Variants in CMTM3 observed in about 807,000 individuals in gnomAD.
CMTM3 encodes CKLF like MARVEL transmembrane domain containing 3, also known as CKLF-like MARVEL transmembrane domain-containing protein 3.
In CMTM3, 7 loss-of-function variants were observed where a neutral mutation model predicts 18.2. The ratio of observed to expected loss-of-function variants is 0.38; its 90% confidence interval spans 0.22 to 0.72. CMTM3 has a LOEUF of 0.72. CMTM3 is among the 30% of genes least tolerant of loss of function. The pLI, the probability that CMTM3 is intolerant of heterozygous loss-of-function variation, is 0.46. For synonymous variants in CMTM3, 109 were observed against 111.2 expected, an observed-to-expected ratio of 0.98 and a Z score of 0.12; for missense variants, 227 against 249.2, an observed-to-expected ratio of 0.91 and a Z score of 0.60.
At chr16:66,606,001 C>T (rs556452050) in intron 1 of CMTM3, among the ~76,000 whole-genome samples, 1 of 152,154 alleles carries the variant, frequency 6.6e-6, no homozygotes, top group Non-Finnish European at 1.5e-5. Flanking sequence ...GCCTCGAATC[C>T]ACCGTCCCCA....
At chr16:66,604,134 C>G (rs1014774670), upstream of CMTM3, 1 of 116,992 alleles carries the variant, frequency 8.5e-6, no homozygotes, top group African/African-American at 3.9e-5. Flanking sequence ...TTTGCGCGCG[C>G]GCGCGCGTGT....
chr16:66,609,529 G>T lies in CMTM3; in HGVS notation c.398G>T (p.Gly133Val). ...TCGGATGGGGCTTCCAAAGCCGCTGGGGTGAGCAGCCGCCCCACCCCTCTG... is the reference window on the plus strand; with the variant it reads ...TCGGATGGGGCTTCCAAAGCCGCTGTGGTGAGCAGCCGCCCCACCCCTCTG... ...KYSDGASKAA[G>V]VFGFFATIVF... The change falls in exon 3 of 5, where the codon GGG (glycine) becomes GTG (valine). Residue 133 changes from glycine (G) to valine (V), a missense_variant and splice_region_variant. Coordinates refer to ENST00000567572, the MANE Select transcript of CMTM3 (RefSeq NM_181553.4). The surrounding 1 kb of genome is among the most constrained non-coding windows in gnomAD (Gnocchi z 4.4). 1 of 1,596,134 alleles carries T rather than the reference G, an allele frequency of 6.3e-7. No individual in the cohort carries two copies. The highest frequency in any genetic ancestry group is 2.3e-5 in the East Asian group (1 of 44,432).
In CMTM3 at chr16:66,604,793, C is replaced by A. The variant is rs2144726114; in HGVS notation, c.-13C>A. On this transcript the variant is annotated 5_prime_UTR_variant, in exon 1 of 5. Transcript: ENST00000567572. ...GAGCCAGGCCGAGCCCCGGCCCTAC[C>A]GCCGCCGCCGCCATGTGGCCCCCAG... is the stretch of plus-strand genomic sequence containing the variant. 8.1e-7 allele frequency: 1 copy of A among 1,231,916 alleles called. No homozygotes were observed. Among genetic ancestry groups the A allele is most frequent in the Non-Finnish European group, 1.0e-6 (1 of 987,668 alleles). 76.3% of individuals were successfully genotyped at this position (1,231,916 alleles called of 1,614,324 possible).
At chr16:66,604,988 A>C in intron 1 of CMTM3, 36 bp downstream of exon 1, 1 of 1,440,714 alleles carries the variant, frequency 6.9e-7, no homozygotes, top group Non-Finnish European at 9.1e-7. Context: ...CCCCGCTAGG[A>C]CTGCGCGGCT....
At position 66,605,438 on chromosome 16, in the gene CMTM3, C is replaced by T. The variant is rs2015108564; in HGVS notation, c.147+486C>T. On this transcript the variant is annotated intron_variant, in intron 1 of 4. Transcript: ENST00000567572. The surrounding 1 kb of genome is among the most constrained non-coding windows in gnomAD (Gnocchi z 4.6). ...ACCCCCGGGACTGGGTGAGGCGGCC[C>T]CGCGGTGACTTCATCGCCCTCCTCC... 6.5e-6 allele frequency: 1 copy of T among 153,158 alleles called. No homozygotes were observed. The allele number at this position is 153,158 out of a possible 1,614,324, so 9.5% of individuals were successfully genotyped here.
Position 66,612,616 on chromosome 16 carries a change from T to G in CMTM3, c.528T>G (p.Asn176Lys). The G allele has an allele frequency of 6.2e-7, 1 of 1,614,044 alleles. No homozygotes were observed. The highest frequency in any genetic ancestry group is 8.5e-7 in the Non-Finnish European group (1 of 1,179,984). ...ETTAHKTEEENSDSDSD is the reference protein window; with the variant it reads ...ETTAHKTEEEKSDSDSD ...TCTCTGCTTTCCTTTCAGAAGAGAATTCCGACTCGGACTCTGACTGAAGGC... is the reference window on the plus strand; with the variant it reads ...TCTCTGCTTTCCTTTCAGAAGAGAAGTCCGACTCGGACTCTGACTGAAGGC... The change falls in exon 5 of 5, where the codon AAT becomes AAG. Residue 176 changes from asparagine (N) to lysine (K), a missense_variant. Physicochemically the swap from Asn to Lys is moderately conservative, Grantham distance 94. Coordinates refer to ENST00000567572, the MANE Select transcript of CMTM3 (RefSeq NM_181553.4). The surrounding 1 kb of genome is among the most constrained non-coding windows in gnomAD (Gnocchi z 6.0).
At position 66,604,709 on chromosome 16, in the gene CMTM3, C is replaced by T. The variant is rs2015058734; in HGVS notation, c.-97C>T. The T allele has an allele frequency of 3.0e-6, 3 of 985,770 alleles. No individual in the cohort carries two copies. The highest frequency in any genetic ancestry group is 1.7e-5 in the African/African-American group (1 of 58,818). 61.1% of individuals were successfully genotyped at this position (985,770 alleles called of 1,614,324 possible). Reference sequence around the variant, plus strand: ...GATGCGCCCCTGCGCGAGCCAGTGTCGCCTGCCCTCCTTCCGCACAGCCCG... The same window carrying T: ...GATGCGCCCCTGCGCGAGCCAGTGTTGCCTGCCCTCCTTCCGCACAGCCCG... On this transcript the variant is annotated 5_prime_UTR_variant, in exon 1 of 5. Coordinates refer to ENST00000567572, the MANE Select transcript of CMTM3 (RefSeq NM_181553.4).
chr16:66,608,789 G>A lies in CMTM3; in HGVS notation c.303+325G>A, dbSNP rs1320692664. 2.6e-5 allele frequency among the ~76,000 whole-genome samples: 4 copies of A among 152,222 alleles called. No homozygotes were observed. The highest frequency in any genetic ancestry group is 5.9e-5 in the Non-Finnish European group (4 of 68,048). ...CCACAGGAATTCAAGCCATTTCCAC[G>A]TGGGCAGGACAGGTTAACTGAGGAC... On this transcript the variant is annotated intron_variant, in intron 2 of 4. Transcript: ENST00000567572. The surrounding 1 kb of genome is among the most constrained non-coding windows in gnomAD (Gnocchi z 5.1).
At position 66,613,141 on chromosome 16, in the gene CMTM3, G is replaced by A. The variant is rs1245869956; in HGVS notation, c.*504G>A. The A allele has an allele frequency of 1.4e-6, 1 of 702,968 alleles. No homozygotes were observed. The highest frequency in any genetic ancestry group is 1.5e-5 in the South Asian group (1 of 67,582). The allele number at this position is 702,968 out of a possible 1,614,324, so 43.5% of individuals were successfully genotyped here. On this transcript the variant is annotated 3_prime_UTR_variant, in exon 5 of 5. Coordinates refer to ENST00000567572, the MANE Select transcript of CMTM3 (RefSeq NM_181553.4). ...GACAATGACCCTTCCAAGAATCTTT[G>A]GTTCAAGGAGCACCAGTTCCCTCTT...
rs536160698 is a variant in CMTM3, at chr16:66,612,546, G to A, written c.521-63G>A. 1.9e-6 allele frequency: 3 copies of A among 1,569,270 alleles called. No individual in the cohort carries two copies. The East Asian group carries it at 6.7e-5, about 35-fold the overall frequency. ...AGCAACCCAGCTGTGCTTCCCCAGA[G>A]ACCGTTCCCAGGCACCGCTGCCCTG... is the stretch of plus-strand genomic sequence containing the variant. On this transcript the variant is annotated intron_variant, in intron 4 of 4. Coordinates refer to ENST00000567572, the MANE Select transcript of CMTM3 (RefSeq NM_181553.4). This position sits in a 1 kb window ranked among gnomAD's most constrained non-coding sequence, Gnocchi z 6.0.
Position 66,613,024 on chromosome 16 carries a change from G to A in CMTM3, c.*387G>A. ...CGGGGGTCTTCTGTTTCACTAACAG[G>A]AACAAAGACAGAAACCATGACAGGG... is the stretch of plus-strand genomic sequence containing the variant. On this transcript the variant is annotated 3_prime_UTR_variant, in exon 5 of 5. Transcript: ENST00000567572. The A allele has an allele frequency of 1.4e-6, 1 of 702,840 alleles. No homozygotes were observed. The highest frequency in any genetic ancestry group is 2.6e-6 in the Non-Finnish European group (1 of 384,908). 43.5% of individuals were successfully genotyped at this position (702,840 alleles called of 1,614,324 possible).
Position 66,605,013 on chromosome 16 carries a change from ACGTC to A in CMTM3, c.147+62_147+65del. 7.4e-7 allele frequency: 1 copy of A among 1,356,760 alleles called. No homozygotes were observed. Among genetic ancestry groups the A allele is most frequent in the Non-Finnish European group, 9.5e-7 (1 of 1,055,128 alleles). The allele number at this position is 1,356,760 out of a possible 1,614,324, so 84.0% of individuals were successfully genotyped here. On this transcript the variant is annotated intron_variant, in intron 1 of 4. Coordinates refer to ENST00000567572, the MANE Select transcript of CMTM3 (RefSeq NM_181553.4). The surrounding 1 kb of genome is among the most constrained non-coding windows in gnomAD (Gnocchi z 4.6). ...ACTGCGCGGCTCCTTTCGGAGGAGG[ACGTC>A]GGGGCGCGGGTGGGGTCCGGGGGCG...
At position 66,609,935 on chromosome 16, in the gene CMTM3, T is replaced by G. The variant is rs755343477; in HGVS notation, c.452T>G (p.Phe151Cys). Residue 151 changes from phenylalanine (F) to cysteine (C), a missense_variant, in exon 4 of 5, where the codon TTT becomes TGT. By Grantham distance (205) the Phe-to-Cys change is radical (BLOSUM62 -2). Transcript: ENST00000567572. This position sits in a 1 kb window ranked among gnomAD's most constrained non-coding sequence, Gnocchi z 4.4. ...IVFATDFYLI[F>C]NDVAKFLKQG... is the part of the protein sequence containing the mutation. ...TTTGCAACTGATTTCTACCTGATCT[T>G]TAACGACGTGGCCAAATTCCTCAAA... 1 of 1,614,144 alleles carries G rather than the reference T, an allele frequency of 6.2e-7. No individual in the cohort carries two copies. The highest frequency in any genetic ancestry group is 1.1e-5 in the South Asian group (1 of 91,080).
rs550892060 is a variant in CMTM3 at position 66,610,253 on chromosome 16, C to T, written c.520+250C>T. On this transcript the variant is annotated intron_variant, in intron 4 of 4. Coordinates refer to ENST00000567572, the MANE Select transcript of CMTM3 (RefSeq NM_181553.4). The surrounding 1 kb of genome is among the most constrained non-coding windows in gnomAD (Gnocchi z 4.6). ...GGCATGGCTGAGCCTCAGGCCAGGC[C>T]GGCAAGTCTCCCTGGACGACCCCCC... is the stretch of plus-strand genomic sequence containing the variant. 1.9e-4 allele frequency among the ~76,000 whole-genome samples: 29 copies of T among 152,256 alleles called. No homozygotes were observed. The highest frequency in any genetic ancestry group is 3.9e-4 in the East Asian group (2 of 5,160).
At position 66,604,968 on chromosome 16, in the gene CMTM3, C is replaced by A; in HGVS notation, c.147+16C>A. ...GGCCGAGTCGGTGAGTGCGGCGGGA[C>A]CCTCGGCCGCCCCGCTAGGACTGCG... On this transcript the variant is annotated intron_variant, in intron 1 of 4. Transcript: ENST00000567572. 3.4e-6 allele frequency: 5 copies of A among 1,481,726 alleles called. No individual in the cohort carries two copies. The highest frequency in any genetic ancestry group is 4.4e-6 in the Non-Finnish European group (5 of 1,125,020). 91.8% of individuals were successfully genotyped at this position (1,481,726 alleles called of 1,614,324 possible).
rs917103725 is a variant in CMTM3, at chr16:66,610,963, C to T, written c.520+960C>T. ...CAAATATTAGGTTAGAGCTCCCAGG[C>T]GGTTTCCTCAGGCTCTGCAACCTGC... On this transcript the variant is annotated intron_variant, in intron 4 of 4. Transcript: ENST00000567572. This position sits in a 1 kb window ranked among gnomAD's most constrained non-coding sequence, Gnocchi z 4.6. 5 of 398,388 alleles carry T rather than the reference C, an allele frequency of 1.3e-5. No individual in the cohort carries two copies. The highest frequency in any genetic ancestry group is 2.2e-5 in the Non-Finnish European group (5 of 225,944). The allele number at this position is 398,388 out of a possible 1,614,324, so 24.7% of individuals were successfully genotyped here. A position where few individuals can be genotyped will look rare whatever the true frequency, so the allele number is the denominator to read the frequency against.
chr16:66,610,958 C>T lies in CMTM3; in HGVS notation c.520+955C>T. 1.3e-5 allele frequency: 5 copies of T among 398,520 alleles called. No homozygotes were observed. Among genetic ancestry groups the T allele is most frequent in the Non-Finnish European group, 2.2e-5 (5 of 226,006 alleles). 24.7% of individuals were successfully genotyped at this position (398,520 alleles called of 1,614,324 possible). On this transcript the variant is annotated intron_variant, in intron 4 of 4. Coordinates refer to ENST00000567572, the MANE Select transcript of CMTM3 (RefSeq NM_181553.4). The surrounding 1 kb of genome is among the most constrained non-coding windows in gnomAD (Gnocchi z 4.6). ...CTTGGCAAATATTAGGTTAGAGCTC[C>T]CAGGCGGTTTCCTCAGGCTCTGCAA...
Position 66,612,527 on chromosome 16 carries a change from C to G in CMTM3, c.521-82C>G. The G allele has an allele frequency of 1.4e-6, 2 of 1,462,410 alleles. No individual in the cohort carries two copies. Among genetic ancestry groups the G allele is most frequent in the Non-Finnish European group, 1.9e-6 (2 of 1,054,156 alleles). The allele number at this position is 1,462,410 out of a possible 1,614,324, so 90.6% of individuals were successfully genotyped here. A position where few individuals can be genotyped will look rare whatever the true frequency, so the allele number is the denominator to read the frequency against. On this transcript the variant is annotated intron_variant, in intron 4 of 4. Transcript: ENST00000567572. The surrounding 1 kb of genome is among the most constrained non-coding windows in gnomAD (Gnocchi z 6.0). ...CTGCACCCAGGCTCCTGCCAGCAACCCAGCTGTGCTTCCCCAGAGACCGTT... is the reference window on the plus strand; with the variant it reads ...CTGCACCCAGGCTCCTGCCAGCAACGCAGCTGTGCTTCCCCAGAGACCGTT...
upstream of CMTM3, chr16:66,604,447 C>T (rs1450352216): frequency 1.1e-5 from 2 of 183,656 alleles, no homozygotes; most frequent in Non-Finnish European, 2.2e-5. Context: ...CCGGAGACAG[C>T]GAGTATAGAC....
Sources: allele counts gnomAD v4.1 joint callset (sites outside exome capture counted in the v4.1 genomes callset), GRCh38; gene constraint gnomAD v4.1.1; non-coding constraint Gnocchi (gnomAD v3.1); transcripts MANE v1.5; gene names NCBI Gene and HGNC (gene_info 2026-07-23, HGNC 2026-07-21).